BIRC6: variants seen among roughly 807,000 people sequenced by gnomAD.
BIRC6 encodes dual E2 ubiquitin-conjugating enzyme/E3 ubiquitin-protein ligase BIRC6.
Under a neutral mutation model 503.3 loss-of-function variants are expected in BIRC6, and 98 were observed. That is an observed-to-expected ratio of 0.19 (90% CI 0.17 to 0.23). The LOEUF is 0.23. BIRC6 is among the 10% of genes least tolerant of loss of function. The pLI is 1.00. For missense variants in BIRC6, 5,360 were observed against 5,806.0 expected (o/e 0.92, Z 2.50); for synonymous variants, 2,240 against 2,078.7 (o/e 1.08, Z -2.11).
chr2:32,450,344 T>C (rs1481967075), intron 22 of BIRC6, among the ~76,000 whole-genome samples: 1 of 151,914 alleles, frequency 6.6e-6, no homozygotes, highest in Non-Finnish European at 1.5e-5. Flanking sequence ...CCAAATGCGG[T>C]GATGGGCACC....
At chr2:32,390,534 C>T (rs549565686) in intron 4 of BIRC6, among the ~76,000 whole-genome samples, 4 of 152,098 alleles carry the variant, frequency 2.6e-5, no homozygotes, top group South Asian at 2.1e-4. Flanking sequence ...AGGCTGGTCT[C>T]GAACTCCTGA....
intron 49 of BIRC6, 100 bp downstream of exon 49, chr2:32,503,336 C>A (rs1419852098): frequency 2.1e-6 from 2 of 957,272 alleles, no homozygotes; most frequent in Non-Finnish European, 3.1e-6. Context: ...TGTTATATAT[C>A]ACTATTTTAA....
At chr2:32,555,395 C>T (rs1267329872) in intron 65 of BIRC6, among the ~76,000 whole-genome samples, 2 of 152,108 alleles carry the variant, frequency 1.3e-5, no homozygotes, top group Admixed American at 6.5e-5. Context: ...AATCCCAGCA[C>T]TTTGGGAGGC....
intron 49 of BIRC6, among the ~76,000 whole-genome samples, chr2:32,504,034 TTGTGTGTGTGTGTGTG>T (rs556051105): frequency 1.2e-4 from 9 of 78,228 alleles, no homozygotes; most frequent in South Asian, 6.1e-4. Flanking sequence ...GGGGGGGTGT[TTGTGTGTGTGTGTGTG>T]TGTGTGTGTG....
rs113768659 is a variant in BIRC6 at position 32,499,531 on chromosome 2, C to T, written c.8469-16C>T. 1.3e-6 allele frequency: 2 copies of T among 1,553,034 alleles called. No individual in the cohort carries two copies. The highest frequency in any genetic ancestry group is 1.7e-6 in the Non-Finnish European group (2 of 1,151,468). On this transcript the variant is annotated splice_polypyrimidine_tract_variant and intron_variant, in intron 45 of 73. Coordinates refer to ENST00000421745, the MANE Select transcript of BIRC6 (RefSeq NM_016252.4). ...TCTCTCTCTCTTTTTCTGTCTCTCT[C>T]TCTCTCTCTCTGCAGGGGTGCTTTC...
chr2:32,525,464 G>A lies in BIRC6; in HGVS notation c.11756G>A (p.Gly3919Glu), dbSNP rs2056185561. 2 of 1,613,666 alleles carry A rather than the reference G, an allele frequency of 1.2e-6. No individual in the cohort carries two copies. ...QDNYSVVVASGLKSQSKRAVS... is the reference protein window; with the variant it reads ...QDNYSVVVASELKSQSKRAVS... Reference sequence around the variant, plus strand: ...AATCTTACTGATCCTTTTCTTTTAGGGCTGAAGTCTCAATCTAAACGTGCT... The same window carrying A: ...AATCTTACTGATCCTTTTCTTTTAGAGCTGAAGTCTCAATCTAAACGTGCT... Residue 3919 changes from glycine (G) to glutamate (E), a missense_variant and splice_region_variant, in exon 59 of 74, where the codon GGG becomes GAG. Gly to Glu is a moderately conservative substitution (Grantham distance 98). Around this residue, in one of 16 missense-constraint regions of BIRC6, gnomAD observed 878 missense variants for 928.9 expected, o/e 0.95. Coordinates refer to ENST00000421745, the MANE Select transcript of BIRC6 (RefSeq NM_016252.4).
intron 23 of BIRC6, among the ~76,000 whole-genome samples, chr2:32,460,357 A>G (rs955731482): frequency 3.7e-5 from 5 of 136,492 alleles, no homozygotes; most frequent in East Asian, 2.3e-4. Context: ...GCTCACTGCA[A>G]TCTCCGCCTC....
chr2:32,422,134 T>C (rs1000589304), intron 10 of BIRC6, among the ~76,000 whole-genome samples: 1 of 152,234 alleles, frequency 6.6e-6, no homozygotes, highest in Non-Finnish European at 1.5e-5. Context: ...GTTTGTATTA[T>C]GTATCTTTTC....
intron 70 of BIRC6, among the ~76,000 whole-genome samples, chr2:32,601,915 C>T (rs2062087125): frequency 6.6e-6 from 1 of 152,158 alleles, no homozygotes; most frequent in Non-Finnish European, 1.5e-5. Context: ...GAGTATATTG[C>T]AACTAGTTGA....
intron 6 of BIRC6, among the ~76,000 whole-genome samples, chr2:32,400,502 C>T (rs2149726890): frequency 6.6e-6 from 1 of 151,972 alleles, no homozygotes; most frequent in South Asian, 2.1e-4. Context: ...CCATGCCCAG[C>T]TAATTTTCGT....
At chr2:32,561,257 TTTGAGATGGAG>T (rs1466470675) in intron 65 of BIRC6, among the ~76,000 whole-genome samples, 1 of 151,726 alleles carries the variant, frequency 6.6e-6, no homozygotes, top group Non-Finnish European at 1.5e-5. Flanking sequence ...TTTTTCTTTT[TTTGAGATGGAG>T]TCTAGCTCTG....
chr2:32,559,987 G>A (rs899445602), intron 65 of BIRC6, among the ~76,000 whole-genome samples: 2 of 152,124 alleles, frequency 1.3e-5, no homozygotes, highest in Non-Finnish European at 2.9e-5. Flanking sequence ...CTGCACTCCA[G>A]CCTGGGCAAC....
At chr2:32,562,809 A>G (rs1397038270) in intron 65 of BIRC6, among the ~76,000 whole-genome samples, 1 of 152,138 alleles carries the variant, frequency 6.6e-6, no homozygotes, top group Non-Finnish European at 1.5e-5. Flanking sequence ...ATTCCATTGT[A>G]TGAACATGTA....
intron 10 of BIRC6, among the ~76,000 whole-genome samples, chr2:32,424,376 G>C (rs1286547921): frequency 2.6e-5 from 4 of 152,002 alleles, no homozygotes; most frequent in African/African-American, 9.7e-5. Flanking sequence ...CTCAGCATTT[G>C]GGTTGTTTCC....
At chr2:32,568,126 CAA>C (rs2059656238) in intron 65 of BIRC6, among the ~76,000 whole-genome samples, 1 of 149,680 alleles carries the variant, frequency 6.7e-6, no homozygotes, top group Non-Finnish European at 1.5e-5. Context: ...AACAAACAAA[CAA>C]GAATGGAGAA....
At position 32,416,121 on chromosome 2, in the gene BIRC6, A is replaced by G. The variant is rs995561569; in HGVS notation, c.2830A>G (p.Ile944Val). 6.2e-7 allele frequency: 1 copy of G among 1,613,010 alleles called. No individual in the cohort carries two copies. Among genetic ancestry groups the G allele is most frequent in the African/African-American group, 1.3e-5 (1 of 74,892 alleles). Reference sequence around the variant, plus strand: ...GGAACAGGACACATTTGTTTCTGTGATTTACTGTTCTGGCACAGACAGGCT... The same window carrying G: ...GGAACAGGACACATTTGTTTCTGTGGTTTACTGTTCTGGCACAGACAGGCT... ...TEEQDTFVSVIYCSGTDRLCA... is the reference protein window; with the variant it reads ...TEEQDTFVSVVYCSGTDRLCA... The change falls in exon 10 of 74, where the codon ATT (isoleucine) becomes GTT (valine). Residue 944 changes from isoleucine to valine, a missense_variant. By Grantham distance (29) the Ile-to-Val change is conservative. Transcript: ENST00000421745.
chr2:32,360,563 C>T (rs2033907036), intron 1 of BIRC6, among the ~76,000 whole-genome samples: 1 of 152,100 alleles, frequency 6.6e-6, no homozygotes, highest in Non-Finnish European at 1.5e-5. Flanking sequence ...TTTGTTCTTT[C>T]TTGGAATGCA....
chr2:32,497,699 C>G (rs1434249862), intron 45 of BIRC6, among the ~76,000 whole-genome samples: 1 of 151,848 alleles, frequency 6.6e-6, no homozygotes, highest in African/African-American at 2.4e-5. Context: ...TAATTTTTAT[C>G]TTTTTTTGGG....
At chr2:32,490,756 A>G (rs1005510550) in intron 43 of BIRC6, among the ~76,000 whole-genome samples, 11 of 152,142 alleles carry the variant, frequency 7.2e-5, no homozygotes, top group Non-Finnish European at 2.9e-5. Flanking sequence ...TATTCTTTTA[A>G]GATACCTTTG....
Sources: gnomAD v4.1 joint callset for allele counts (sites outside exome capture counted in the v4.1 genomes callset) on GRCh38, gnomAD v4.1.1 for gene constraint, gnomAD v4.1.1 regional missense constraint, MANE v1.5 for transcripts, NCBI Gene and HGNC (gene_info 2026-07-23, HGNC 2026-07-21) for gene names.